The following PEPD variants were observed in gnomAD, a reference collection of about 807,000 sequenced individuals.
The protein encoded by PEPD is peptidase D, also known as xaa-Pro dipeptidase.
PEPD carries 53 observed loss-of-function variants against 60.7 expected under a neutral mutation model. The ratio of observed to expected loss-of-function variants is 0.87; its 90% confidence interval spans 0.70 to 1.10. The LOEUF is 1.10. Ranked by LOEUF, PEPD falls within the 50% of genes least tolerant of loss-of-function variation. The probability of loss-of-function intolerance (pLI) is 0.00; values close to 1 mark genes in which losing one functional copy is unlikely to be tolerated. For synonymous variants in PEPD, 267 were observed against 284.1 expected (o/e 0.94, Z 0.60); for missense variants, 711 against 711.9 (o/e 1.00, Z 0.01).
chr19:33,516,573 GTC>G (rs1456492392), intron 1 of PEPD, among the ~76,000 whole-genome samples: 1 of 151,902 alleles, frequency 6.6e-6, no homozygotes, highest in Non-Finnish European at 1.5e-5. Flanking sequence ...CCCACAAGCC[GTC>G]TCTGTCTCCA....
intron 14 of PEPD, 125 bp from the exon 15 acceptor site, chr19:33,387,606 T>C (rs1968106762): frequency 7.8e-7 from 1 of 1,287,470 alleles, no homozygotes; most frequent in Non-Finnish European, 1.1e-6. Flanking sequence ...GGGAGACGGG[T>C]GGCCTCCGGG....
intron 9 of PEPD, among the ~76,000 whole-genome samples, chr19:33,446,196 C>T (rs1346676631): frequency 6.6e-6 from 1 of 152,138 alleles, no homozygotes; most frequent in East Asian, 1.9e-4. Flanking sequence ...GCACTATCTC[C>T]AGGCACGCCA....
intron 13 of PEPD, 138 bp downstream of exon 13, chr19:33,391,157 A>G: frequency 1.3e-6 from 1 of 751,814 alleles, no homozygotes; most frequent in East Asian, 2.7e-5. Context: ...TGGCCTCCGT[A>G]TACCACAGGG....
intron 7 of PEPD, among the ~76,000 whole-genome samples, chr19:33,467,016 G>C (rs1240725020): frequency 3.9e-5 from 6 of 151,920 alleles, no homozygotes; most frequent in African/African-American, 1.4e-4. Flanking sequence ...AATTAGCTGG[G>C]CATGGTGGCG....
intron 11 of PEPD, among the ~76,000 whole-genome samples, chr19:33,403,577 G>C (rs1220078261): frequency 6.6e-6 from 1 of 152,204 alleles, no homozygotes; most frequent in African/African-American, 2.4e-5. Flanking sequence ...CTGTCCCATG[G>C]GAGGGAGCCA....
chr19:33,512,891 C>G (rs1287551587), intron 1 of PEPD, 115 bp from the exon 2 acceptor site: 1 of 1,160,592 alleles, frequency 8.6e-7, no homozygotes, highest in East Asian at 2.4e-5. Context: ...CCCCCATCAG[C>G]ACGGGGCAAG....
At chr19:33,416,894 CAGG>C (rs1312488444) in intron 9 of PEPD, among the ~76,000 whole-genome samples, 1 of 152,162 alleles carries the variant, frequency 6.6e-6, no homozygotes, top group Non-Finnish European at 1.5e-5. Flanking sequence ...CTGTCAGTGC[CAGG>C]AGATGACAAA....
chr19:33,407,259 C>A (rs1159431210), intron 11 of PEPD, among the ~76,000 whole-genome samples: 1 of 152,248 alleles, frequency 6.6e-6, no homozygotes, highest in Non-Finnish European at 1.5e-5. Flanking sequence ...TCTCCAGGAC[C>A]TGGGGCGGCC....
chr19:33,492,928 G>A (rs1248236903), intron 5 of PEPD, among the ~76,000 whole-genome samples: 2 of 152,132 alleles, frequency 1.3e-5, no homozygotes, highest in African/African-American at 2.4e-5. Context: ...CCAGACTGGA[G>A]CACAGTGGCG....
intron 9 of PEPD, among the ~76,000 whole-genome samples, chr19:33,433,885 G>T (rs1172334077): frequency 6.6e-6 from 1 of 152,158 alleles, no homozygotes; most frequent in Non-Finnish European, 1.5e-5. Context: ...GCAATGCTTG[G>T]CCATTTTGGT....
chr19:33,412,097 A>C (rs1290208885), intron 10 of PEPD, among the ~76,000 whole-genome samples: 2 of 152,192 alleles, frequency 1.3e-5, no homozygotes, highest in African/African-American at 4.8e-5. Flanking sequence ...TCATGCCAGC[A>C]CTTTGGGAGG....
At chr19:33,503,151 G>C (rs1012651949) in intron 3 of PEPD, among the ~76,000 whole-genome samples, 2 of 152,064 alleles carry the variant, frequency 1.3e-5, no homozygotes, top group African/African-American at 2.4e-5. Context: ...TCCTCTCTCT[G>C]AGTCCTCCAC....
chr19:33,516,977 C>T (rs1971034094), intron 1 of PEPD, among the ~76,000 whole-genome samples: 1 of 141,984 alleles, frequency 7.0e-6, no homozygotes, highest in Non-Finnish European at 1.5e-5. Context: ...GGCAGGAATT[C>T]GAGACCAGAA....
intron 12 of PEPD, among the ~76,000 whole-genome samples, chr19:33,395,312 A>G (rs1372437726): frequency 1.3e-5 from 2 of 152,016 alleles, no homozygotes; most frequent in Non-Finnish European, 2.9e-5. Context: ...TGGTGCCCGT[A>G]CTCTGCTCTG....
At chr19:33,453,899 C>T (rs1969748291) in intron 9 of PEPD, among the ~76,000 whole-genome samples, 1 of 152,228 alleles carries the variant, frequency 6.6e-6, no homozygotes, top group Non-Finnish European at 1.5e-5. Context: ...ACCCACTCTA[C>T]TATACTGCCT....
At chr19:33,404,462 A>T (rs915469682) in intron 11 of PEPD, among the ~76,000 whole-genome samples, 1 of 152,008 alleles carries the variant, frequency 6.6e-6, no homozygotes, top group African/African-American at 2.4e-5. Flanking sequence ...TTAAAAAACA[A>T]CAACAACAAC....
intron 13 of PEPD, among the ~76,000 whole-genome samples, chr19:33,390,228 A>G (rs903124917): frequency 3.3e-5 from 5 of 152,030 alleles, no homozygotes; most frequent in African/African-American, 1.2e-4. Context: ...GTTTGCTGCC[A>G]ATTTTTGCTG....
At chr19:33,389,994 G>T (rs1363708895) in intron 13 of PEPD, among the ~76,000 whole-genome samples, 2 of 152,266 alleles carry the variant, frequency 1.3e-5, no homozygotes, top group African/African-American at 2.4e-5. Flanking sequence ...GGGTGGGGAG[G>T]GGTCCTGCCC....
chr19:33,446,757 G>A (rs888944809), intron 9 of PEPD, among the ~76,000 whole-genome samples: 5 of 152,236 alleles, frequency 3.3e-5, no homozygotes, highest in African/African-American at 1.2e-4. Context: ...ACCCCGCACC[G>A]AGGGTGGTGA....
Sources: gnomAD v4.1 joint callset for allele counts (sites outside exome capture counted in the v4.1 genomes callset) on GRCh38, gnomAD v4.1.1 for gene constraint, MANE v1.5 for transcripts, NCBI Gene and HGNC (gene_info 2026-07-23, HGNC 2026-07-21) for gene names.